The following ADD2 variants were observed in gnomAD, a reference collection of about 807,000 sequenced individuals.
ADD2 encodes beta-adducin.
A neutral mutation model predicts 83.0 loss-of-function variants in ADD2; 23 were observed. That is an observed-to-expected ratio of 0.28 (90% confidence interval 0.20 to 0.39). The LOEUF (loss-of-function observed/expected upper bound fraction) is 0.39, where lower values mean the gene tolerates loss of function less well. Among genes scored for constraint, ADD2 ranks in the 10% least tolerant of loss-of-function variants. The probability of loss-of-function intolerance (pLI) is 1.00; values close to 1 mark genes in which losing one functional copy is unlikely to be tolerated. For missense variants in ADD2, 758 were observed against 944.9 expected (o/e 0.80, Z 2.59); for synonymous variants, 375 against 375.4 (o/e 1.00, Z 0.01).
At chr2:70,704,152 A>C (rs1671763753) in intron 4 of ADD2, among the ~76,000 whole-genome samples, 169 bp downstream of exon 4, 1 of 152,306 alleles carries the variant, frequency 6.6e-6, no homozygotes, top group African/African-American at 2.4e-5. Flanking sequence ...CATCAGAAGC[A>C]GAGCCAGGTA....
chr2:70,759,940 C>T (rs1553384553), intron 1 of ADD2, among the ~76,000 whole-genome samples: 3 of 152,090 alleles, frequency 2.0e-5, no homozygotes, highest in Non-Finnish European at 4.4e-5. Flanking sequence ...CCATCTAGCC[C>T]TGTTTCATTG....
intron 1 of ADD2, among the ~76,000 whole-genome samples, chr2:70,729,267 A>G (rs1673162819): frequency 6.6e-6 from 1 of 152,184 alleles, no homozygotes; most frequent in Non-Finnish European, 1.5e-5. Flanking sequence ...AGTTTCTGCA[A>G]GGTGACCTTG....
chr2:70,767,099 C>T (rs1675423617), intron 1 of ADD2, among the ~76,000 whole-genome samples: 1 of 152,158 alleles, frequency 6.6e-6, no homozygotes, highest in Non-Finnish European at 1.5e-5. Flanking sequence ...CCCTCCCTCC[C>T]TTCCCCCCAA....
intron 1 of ADD2, among the ~76,000 whole-genome samples, chr2:70,758,216 C>A (rs1674898082): frequency 6.6e-6 from 1 of 152,192 alleles, no homozygotes; most frequent in Non-Finnish European, 1.5e-5. Context: ...AAGATTTTCA[C>A]AGATGATGGG....
intron 1 of ADD2, among the ~76,000 whole-genome samples, chr2:70,752,618 CA>C (rs782175711): frequency 1.1e-4 from 16 of 152,126 alleles, no homozygotes; most frequent in Non-Finnish European, 2.1e-4. Context: ...AGGACAACTC[CA>C]AAATCTTTGG....
chr2:70,698,863 A>T (rs986670634), intron 4 of ADD2, among the ~76,000 whole-genome samples: 2 of 152,152 alleles, frequency 1.3e-5, no homozygotes, highest in East Asian at 3.8e-4. Flanking sequence ...ATGAAAACTC[A>T]CCATGGTCCC....
chr2:70,697,494 C>A (rs1671370432), intron 4 of ADD2, among the ~76,000 whole-genome samples: 1 of 152,206 alleles, frequency 6.6e-6, no homozygotes, highest in South Asian at 2.1e-4. Flanking sequence ...GGCATCTGAG[C>A]TCTAGCATCT....
chr2:70,674,905 T>A (rs1224020504), intron 13 of ADD2, 80 bp from the exon 14 acceptor site: 7 of 1,540,178 alleles, frequency 4.5e-6, no homozygotes, highest in Non-Finnish European at 6.1e-6. Context: ...TTTAGATTCA[T>A]GTGGCTGCAA....
At chr2:70,733,584 T>G (rs1673384910) in intron 1 of ADD2, among the ~76,000 whole-genome samples, 1 of 152,206 alleles carries the variant, frequency 6.6e-6, no homozygotes, top group African/African-American at 2.4e-5. Context: ...GAAGGAATGC[T>G]TTTGATGTAG....
intron 15 of ADD2, among the ~76,000 whole-genome samples, chr2:70,668,058 C>T (rs1169403999): frequency 1.3e-5 from 2 of 152,080 alleles, no homozygotes; most frequent in African/African-American, 2.4e-5. Context: ...GTTCTTGAGC[C>T]GCGACACCCA....
intron 11 of ADD2, 103 bp from the exon 12 acceptor site, chr2:70,677,980 G>A: frequency 6.7e-7 from 1 of 1,490,752 alleles, no homozygotes; most frequent in Non-Finnish European, 9.2e-7. Context: ...TGCATGGAAG[G>A]TCAGCAAGCC....
intron 1 of ADD2, among the ~76,000 whole-genome samples, chr2:70,723,694 T>G (rs1257250737): frequency 6.6e-6 from 1 of 152,120 alleles, no homozygotes; most frequent in African/African-American, 2.4e-5. Context: ...GTTACAGGTT[T>G]TTTCAGCTAA....
chr2:70,685,312 C>T (rs1395434135), intron 9 of ADD2, among the ~76,000 whole-genome samples: 1 of 152,112 alleles, frequency 6.6e-6, no homozygotes, highest in African/African-American at 2.4e-5. Flanking sequence ...TAACAAATGC[C>T]CCTGTGATAC....
intron 9 of ADD2, among the ~76,000 whole-genome samples, chr2:70,686,887 G>T (rs1670755129): frequency 6.6e-6 from 1 of 152,072 alleles, no homozygotes; most frequent in African/African-American, 2.4e-5. Flanking sequence ...GATTGAAAAG[G>T]TCCCACTGCA....
At chr2:70,684,603 A>G (rs533927140) in intron 9 of ADD2, among the ~76,000 whole-genome samples, 36 of 152,342 alleles carry the variant, frequency 2.4e-4, no homozygotes, top group Non-Finnish European at 4.0e-4. Context: ...TCCCAAGCCA[A>G]TGAAATTTAT....
At chr2:70,729,431 C>T (rs563057415) in intron 1 of ADD2, among the ~76,000 whole-genome samples, 2 of 152,268 alleles carry the variant, frequency 1.3e-5, no homozygotes, top group South Asian at 2.1e-4. Context: ...GGTTGGAACA[C>T]TTGAAGAAAT....
At chr2:70,754,253 T>C (rs1553383442) in intron 1 of ADD2, among the ~76,000 whole-genome samples, 1 of 152,154 alleles carries the variant, frequency 6.6e-6, no homozygotes, top group East Asian at 1.9e-4. Flanking sequence ...TCCTTCCTGC[T>C]TGGAAACCAA....
intron 4 of ADD2, among the ~76,000 whole-genome samples, chr2:70,702,648 C>G (rs1303617858): frequency 6.7e-6 from 1 of 148,374 alleles, no homozygotes; most frequent in African/African-American, 2.5e-5. Context: ...CTAAAGAATT[C>G]TACAAGACAA....
chr2:70,673,139 G>C (rs1265422185), intron 14 of ADD2, 133 bp from the exon 15 acceptor site: 2 of 1,540,004 alleles, frequency 1.3e-6, no homozygotes, highest in Non-Finnish European at 1.8e-6. Flanking sequence ...ACTTCTAGCT[G>C]AAGTTAGCTC....
Sources: allele counts gnomAD v4.1 joint callset (sites outside exome capture counted in the v4.1 genomes callset), GRCh38; gene constraint gnomAD v4.1.1; transcripts MANE v1.5; gene names NCBI Gene and HGNC (gene_info 2026-07-23, HGNC 2026-07-21).